BICDL1: variants seen among roughly 807,000 people sequenced by gnomAD.
BICDL1 encodes BICD family like cargo adaptor 1.
Under a neutral mutation model 76.8 loss-of-function variants are expected in BICDL1, and 20 were observed. The ratio of observed to expected loss-of-function variants is 0.26; its 90% CI spans 0.18 to 0.38. The LOEUF is 0.38. BICDL1 is among the 10% of genes least tolerant of loss of function. BICDL1 has a pLI of 1.00. For synonymous variants in BICDL1, 383 were observed against 337.1 expected, an observed-to-expected ratio of 1.14 and a Z score of -1.49; for missense variants, 700 against 798.6, an observed-to-expected ratio of 0.88 and a Z score of 1.49.
intron 4 of BICDL1, among the ~76,000 whole-genome samples, chr12:120,070,765 C>G (rs900943823): frequency 7.1e-6 from 1 of 140,616 alleles, no homozygotes; most frequent in African/African-American, 2.7e-5. Flanking sequence ...GAGTTTCATT[C>G]TTGTCGCCCA....
At chr12:120,040,289 C>T (rs906676200) in intron 2 of BICDL1, among the ~76,000 whole-genome samples, 2 of 151,762 alleles carry the variant, frequency 1.3e-5, no homozygotes, top group Non-Finnish European at 2.9e-5. Flanking sequence ...AGTAGAGAAT[C>T]GCTGTTGGTC....
intron 7 of BICDL1, among the ~76,000 whole-genome samples, chr12:120,078,294 C>T (rs1239349528): frequency 4.6e-5 from 7 of 152,254 alleles, no homozygotes; most frequent in Non-Finnish European, 1.0e-4. Flanking sequence ...GCTGTGTCCT[C>T]TCCTAAAGCA....
intron 2 of BICDL1, chr12:120,056,930 T>G: frequency 2.8e-6 from 1 of 361,232 alleles, no homozygotes; most frequent in Non-Finnish European, 5.3e-6. Context: ...TTGATGCAGG[T>G]TAGGGCTCTA....
At chr12:119,990,762 T>C (rs1951503763) in intron 1 of BICDL1, among the ~76,000 whole-genome samples, 1 of 152,172 alleles carries the variant, frequency 6.6e-6, no homozygotes, top group African/African-American at 2.4e-5. Context: ...CTCAGAGTTG[T>C]GGGAAACAAG....
chr12:120,040,707 C>T (rs576779439), intron 2 of BICDL1, among the ~76,000 whole-genome samples: 3 of 152,044 alleles, frequency 2.0e-5, no homozygotes, highest in Admixed American at 2.0e-4. Flanking sequence ...TGAACCATCA[C>T]ACCTGGCCCT....
At chr12:120,056,957 C>A in intron 2 of BICDL1, 1 of 426,842 alleles carries the variant, frequency 2.3e-6, no homozygotes, top group Non-Finnish European at 4.5e-6. Context: ...AGAGGGGAGG[C>A]TGGGCCCTGT....
rs183509136 is a variant in BICDL1, at chr12:120,071,169, G to A, written c.910-453G>A. Among the ~76,000 whole-genome samples the A allele has an allele frequency of 1.8e-3, 272 of 149,720 alleles. No individual in the cohort carries two copies. Among genetic ancestry groups the A allele is most frequent in the African/African-American group, 6.4e-3 (260 of 40,624 alleles). Reference sequence around the variant, plus strand: ...TTCTTTTTTTCTTTTTTGAGGTGGCGTCTCGCACTGTCACCCAGGTTGGAG... The same window carrying A: ...TTCTTTTTTTCTTTTTTGAGGTGGCATCTCGCACTGTCACCCAGGTTGGAG... On this transcript the variant is annotated intron_variant, in intron 4 of 9. Coordinates refer to ENST00000548673, the MANE Select transcript of BICDL1 (RefSeq NM_001367886.1). The surrounding 1 kb of genome is among the most constrained non-coding windows in gnomAD (Gnocchi z 4.8).
intron 4 of BICDL1, among the ~76,000 whole-genome samples, chr12:120,069,082 T>C (rs1872889771): frequency 6.6e-6 from 1 of 152,190 alleles, no homozygotes; most frequent in Non-Finnish European, 1.5e-5. Flanking sequence ...CATTGATCTC[T>C]GTGGCTGTGC....
intron 2 of BICDL1, among the ~76,000 whole-genome samples, chr12:120,056,589 C>T (rs559086044): frequency 2.0e-4 from 31 of 152,116 alleles, no homozygotes; most frequent in Admixed American, 9.2e-4. Context: ...CGTGGTAGTG[C>T]GCCTGTAATC....
chr12:120,040,395 T>TTTTTCTTTTCTTTC (rs1225273367), intron 2 of BICDL1, among the ~76,000 whole-genome samples: 1 of 151,844 alleles, frequency 6.6e-6, no homozygotes, highest in African/African-American at 2.4e-5. Flanking sequence ...CCCAGCCTTC[T>TTTTTCTTTTCTTTC]TTTTCTTTTC....
intron 7 of BICDL1, among the ~76,000 whole-genome samples, chr12:120,078,753 C>T (rs1832507993): frequency 6.6e-6 from 1 of 152,242 alleles, no homozygotes. Context: ...GCAAAAAGTT[C>T]TTCTGAAGTT....
At chr12:120,049,097 T>C (rs570117981) in intron 2 of BICDL1, among the ~76,000 whole-genome samples, 1 of 152,190 alleles carries the variant, frequency 6.6e-6, no homozygotes, top group African/African-American at 2.4e-5. Context: ...ACTCATAAAA[T>C]GTAATATGTC....
intron 2 of BICDL1, among the ~76,000 whole-genome samples, chr12:120,035,226 C>T (rs1952508399): frequency 6.6e-6 from 1 of 152,106 alleles, no homozygotes; most frequent in South Asian, 2.1e-4. Context: ...ATTCCAGCTA[C>T]TCGGGAGGCT....
chr12:120,091,676 G>A, intron 9 of BICDL1: 1 of 985,254 alleles, frequency 1.0e-6, no homozygotes, highest in African/African-American at 1.7e-5. Flanking sequence ...TGGAGAGCAG[G>A]CCCTGAGCCA....
At chr12:119,999,916 A>T in intron 2 of BICDL1, 1 of 312,354 alleles carries the variant, frequency 3.2e-6, no homozygotes, top group South Asian at 2.7e-5. Context: ...CTGCATGGTT[A>T]GTGTTTGGTG....
intron 2 of BICDL1, among the ~76,000 whole-genome samples, chr12:120,043,846 G>T (rs896825276): frequency 6.6e-6 from 1 of 152,190 alleles, no homozygotes; most frequent in African/African-American, 2.4e-5. Context: ...TACTTTATTA[G>T]GGAAGCAAAG....
Position 120,079,546 on chromosome 12 carries a change from G to A in BICDL1, c.1453-1341G>A, listed in dbSNP as rs969110050. 2.0e-5 allele frequency among the ~76,000 whole-genome samples: 3 copies of A among 152,150 alleles called. No homozygotes were observed. The highest frequency in any genetic ancestry group is 1.3e-4 in the Admixed American group (2 of 15,274). On this transcript the variant is annotated intron_variant, in intron 7 of 9. Transcript: ENST00000548673. This position sits in a 1 kb window ranked among gnomAD's most constrained non-coding sequence, Gnocchi z 4.3. The stretch of plus-strand genomic sequence containing the variant: ...AAGTATGTGTAATATTTAACATGAA[G>A]GCAGGGCTAGGCATCCTGACTCACG...
chr12:120,077,736 C>T (rs1873666546), intron 7 of BICDL1, among the ~76,000 whole-genome samples: 2 of 152,312 alleles, frequency 1.3e-5, no homozygotes, highest in South Asian at 4.1e-4. Flanking sequence ...TATTTCAAGA[C>T]CTGCATCCTT....
chr12:120,082,241 T>C (rs190680412), intron 8 of BICDL1, among the ~76,000 whole-genome samples: 3 of 151,908 alleles, frequency 2.0e-5, no homozygotes, highest in Non-Finnish European at 2.9e-5. Flanking sequence ...CTGTCCCTTA[T>C]ATTTCCAATA....
Sources: allele counts gnomAD v4.1 joint callset (sites outside exome capture counted in the v4.1 genomes callset), GRCh38; gene constraint gnomAD v4.1.1; non-coding constraint Gnocchi (gnomAD v3.1); transcripts MANE v1.5; gene names NCBI Gene and HGNC (gene_info 2026-07-23, HGNC 2026-07-21).